TBC1D32: variants seen among roughly 807,000 people sequenced by gnomAD.
TBC1D32 encodes TBC1 domain family member 32.
A neutral mutation model predicts 170.3 loss-of-function variants in TBC1D32; 151 were observed. The ratio of observed to expected loss-of-function variants is 0.89; its 90% confidence interval spans 0.78 to 1.01. The LOEUF (loss-of-function observed/expected upper bound fraction) is 1.01. TBC1D32 is among the 50% of genes least tolerant of loss of function. The pLI is 0.00. For missense variants in TBC1D32, 1,464 were observed against 1,457.1 expected, an observed-to-expected ratio of 1.00 and a Z score of -0.08; for synonymous variants, 498 against 488.0, an observed-to-expected ratio of 1.02 and a Z score of -0.27.
chr6:121,278,226 T>C (rs546867810), intron 15 of TBC1D32, among the ~76,000 whole-genome samples: 27 of 152,094 alleles, frequency 1.8e-4, no homozygotes, highest in South Asian at 4.1e-4. Flanking sequence ...CTCCAGAAGA[T>C]AGAAAGAATA....
chr6:121,324,673 G>T (rs939955050), intron 1 of TBC1D32, among the ~76,000 whole-genome samples: 2 of 152,092 alleles, frequency 1.3e-5, no homozygotes, highest in African/African-American at 4.8e-5. Flanking sequence ...CATATACATG[G>T]AAACTTCCTA....
intron 17 of TBC1D32, 76 bp from the exon 18 acceptor site, chr6:121,242,415 G>T: frequency 7.1e-7 from 1 of 1,409,950 alleles, no homozygotes; most frequent in Non-Finnish European, 9.8e-7. Flanking sequence ...TCTTAGCTGA[G>T]CTTAACCCTG....
rs774590000 is a variant in TBC1D32 at position 121,281,557 on chromosome 6, A to C, written c.1595T>G (p.Met532Arg). 6.2e-7 allele frequency: 1 copy of C among 1,605,778 alleles called. No homozygotes were observed. Among genetic ancestry groups the C allele is most frequent in the South Asian group, 1.1e-5 (1 of 89,840 alleles). The change falls in exon 14 of 32, where the codon ATG becomes AGG. Residue 532 changes from methionine (M) to arginine (R), a missense_variant. This residue lies in a region of TBC1D32 where 1,363 missense variants were observed against 1,338.1 expected (regional missense o/e 1.02). Coordinates refer to ENST00000398212, the MANE Select transcript of TBC1D32 (RefSeq NM_152730.6). ...AATAATACGAACCTCATTTCCTTTC[A>C]TTAAATTGTGAATAGGCTGAAGAAG... Reference protein sequence around the residue: ...ETLLQPIHNLMKGNEASPNCS... With the variant: ...ETLLQPIHNLRKGNEASPNCS...
intron 13 of TBC1D32, 152 bp from the exon 14 acceptor site, chr6:121,281,838 A>G (rs1350203760): frequency 1.9e-6 from 1 of 535,026 alleles, no homozygotes; most frequent in African/African-American, 2.0e-5. Flanking sequence ...ATGTACTACC[A>G]AATTATAACC....
chr6:121,224,983 A>C (rs1265542595), intron 20 of TBC1D32, among the ~76,000 whole-genome samples: 1 of 152,128 alleles, frequency 6.6e-6, no homozygotes, highest in Non-Finnish European at 1.5e-5. Context: ...AAGTTATAAA[A>C]AATAACTGAT....
chr6:121,155,866 G>T (rs1241485417), intron 24 of TBC1D32, among the ~76,000 whole-genome samples: 1 of 151,946 alleles, frequency 6.6e-6, no homozygotes, highest in African/African-American at 2.4e-5. Context: ...CTAACTTGTG[G>T]TGAATTAACT....
intron 30 of TBC1D32, among the ~76,000 whole-genome samples, chr6:121,100,013 A>G (rs114308098): frequency 6.6e-6 from 1 of 151,726 alleles, no homozygotes; most frequent in Non-Finnish European, 1.5e-5. Flanking sequence ...ATTAAAGAGT[A>G]TATGGTATGT....
At chr6:121,142,114 C>T (rs1362828663) in intron 24 of TBC1D32, among the ~76,000 whole-genome samples, 1 of 152,204 alleles carries the variant, frequency 6.6e-6, no homozygotes, top group Admixed American at 6.5e-5. Flanking sequence ...CGAGCATCGC[C>T]AGCTTAGGGG....
At chr6:121,190,403 C>T (rs143492566) in intron 22 of TBC1D32, among the ~76,000 whole-genome samples, 1 of 147,518 alleles carries the variant, frequency 6.8e-6, no homozygotes, top group Non-Finnish European at 1.5e-5. Flanking sequence ...CCCTTCCCCC[C>T]ACACACATCC....
chr6:121,140,678 C>T (rs1782678953), intron 24 of TBC1D32, among the ~76,000 whole-genome samples: 1 of 151,934 alleles, frequency 6.6e-6, no homozygotes, highest in Non-Finnish European at 1.5e-5. Context: ...AAAGGCTGTA[C>T]ATTTTTTAGT....
At chr6:121,262,052 T>C (rs114182100) in intron 15 of TBC1D32, among the ~76,000 whole-genome samples, 198 of 152,266 alleles carry the variant, frequency 1.3e-3, no homozygotes, top group African/African-American at 4.6e-3. Context: ...GAAGACTATC[T>C]TGCTGAAATA....
chr6:121,133,312 C>T (rs1206796318), intron 24 of TBC1D32, among the ~76,000 whole-genome samples: 2 of 151,950 alleles, frequency 1.3e-5, no homozygotes, highest in Admixed American at 1.3e-4. Flanking sequence ...CATAATACAA[C>T]TATTTAAATT....
intron 22 of TBC1D32, among the ~76,000 whole-genome samples, chr6:121,195,962 G>A (rs1386273378): frequency 6.6e-6 from 1 of 152,190 alleles, no homozygotes; most frequent in Admixed American, 6.5e-5. Flanking sequence ...CAGTGGTTTG[G>A]CTGGATGGTA....
At chr6:121,228,890 A>G (rs1384700654) in intron 20 of TBC1D32, among the ~76,000 whole-genome samples, 1 of 152,124 alleles carries the variant, frequency 6.6e-6, no homozygotes, top group East Asian at 1.9e-4. Flanking sequence ...TTCTATTTTA[A>G]TACTACATAT....
At chr6:121,183,318 G>T (rs754226113) in intron 22 of TBC1D32, among the ~76,000 whole-genome samples, 2 of 152,174 alleles carry the variant, frequency 1.3e-5, no homozygotes, top group East Asian at 1.9e-4. Flanking sequence ...GCTCTCAGAG[G>T]CTCCAAAAGT....
rs1281455372 is a variant in TBC1D32 at position 121,308,064 on chromosome 6, G to C, written c.602C>G (p.Pro201Arg). 1 of 1,613,768 alleles carries C rather than the reference G, an allele frequency of 6.2e-7. No homozygotes were observed. The highest frequency in any genetic ancestry group is 1.7e-5 in the Admixed American group (1 of 59,976). The change falls in exon 5 of 32, where the codon CCT becomes CGT. Residue 201 changes from proline to arginine, a missense_variant. Physicochemically the swap from Pro to Arg is moderately radical, Grantham distance 103 (BLOSUM62 -2). Transcript: ENST00000398212. The stretch of plus-strand genomic sequence containing the variant: ...TTCACAGTTGAGGACATCAGATGGA[G>C]GAGCTGAACATAATGTTTGCAAGGC... ...YEALQTLCSAPPSDVLNCENW... is the reference protein window; with the variant it reads ...YEALQTLCSARPSDVLNCENW...
At chr6:121,245,937 A>C (rs1321465851) in intron 17 of TBC1D32, among the ~76,000 whole-genome samples, 1 of 152,094 alleles carries the variant, frequency 6.6e-6, no homozygotes, top group East Asian at 1.9e-4. Flanking sequence ...CTTTGCCCTA[A>C]TAAAACCTCA....
chr6:121,088,381 T>C (rs920597227), intron 31 of TBC1D32, among the ~76,000 whole-genome samples: 2 of 152,144 alleles, frequency 1.3e-5, no homozygotes, highest in African/African-American at 4.8e-5. Flanking sequence ...AATTCTTAAA[T>C]CATGTGAGTA....
intron 25 of TBC1D32, 71 bp from the exon 26 acceptor site, chr6:121,126,532 C>A: frequency 8.8e-7 from 1 of 1,132,038 alleles, no homozygotes; most frequent in South Asian, 1.4e-5. Context: ...CCTTAAATCA[C>A]AGAACTAGTA....
Sources: gnomAD v4.1 joint callset for allele counts (sites outside exome capture counted in the v4.1 genomes callset) on GRCh38, gnomAD v4.1.1 for gene constraint, gnomAD v4.1.1 regional missense constraint, MANE v1.5 for transcripts, NCBI Gene and HGNC (gene_info 2026-07-23, HGNC 2026-07-21) for gene names.